Variants in MAP3K3 observed in about 807,000 individuals in gnomAD.
MAP3K3 encodes the protein MAP/ERK kinase kinase 3.
In MAP3K3, 12 loss-of-function variants were observed where a neutral mutation model predicts 80.9. That is an observed-to-expected ratio of 0.15 (90% CI 0.10 to 0.24). MAP3K3 has a LOEUF of 0.24. MAP3K3 is among the 10% of genes least tolerant of loss of function. MAP3K3 has a pLI of 1.00. For missense variants in MAP3K3, 596 were observed against 834.7 expected, an observed-to-expected ratio of 0.71 and a Z score of 3.52; for synonymous variants, 272 against 307.1, an observed-to-expected ratio of 0.89 and a Z score of 1.19.
intron 4 of MAP3K3, among the ~76,000 whole-genome samples, chr17:63,656,112 C>A (rs1448289429): frequency 6.6e-6 from 1 of 151,810 alleles, no homozygotes; most frequent in East Asian, 1.9e-4. Context: ...TGCCTGTAAT[C>A]CCAGCTACTT....
rs1005993446 is a variant in MAP3K3 at position 63,689,867 on chromosome 17, T to G, written c.1063+132T>G. 1 of 809,344 alleles carries G rather than the reference T, an allele frequency of 1.2e-6. No individual in the cohort carries two copies. Among genetic ancestry groups the G allele is most frequent in the Non-Finnish European group, 1.9e-6 (1 of 519,458 alleles). 50.1% of individuals were successfully genotyped at this position (809,344 alleles called of 1,614,324 possible). A position where few individuals can be genotyped will look rare whatever the true frequency, so the allele number is the denominator to read the frequency against. Reference sequence around the variant, plus strand: ...TTTGGCCCAAATGCACCACATGGGATAAGCCTTGGAGTGTCTGAAGCCTGG... The same window carrying G: ...TTTGGCCCAAATGCACCACATGGGAGAAGCCTTGGAGTGTCTGAAGCCTGG... On this transcript the variant is annotated intron_variant, in intron 11 of 15. Coordinates refer to ENST00000361733, the MANE Select transcript of MAP3K3 (RefSeq NM_002401.5). This position sits in a 1 kb window ranked among gnomAD's most constrained non-coding sequence, Gnocchi z 4.3.
Position 63,657,819 on chromosome 17 carries a change from A to G in MAP3K3, c.293A>G (p.Asp98Gly). ...NELSILLKNQDDLDKAIDILD... is the reference protein window; with the variant it reads ...NELSILLKNQGDLDKAIDILD... Reference sequence around the variant, plus strand: ...CTCTCCATCCTGCTGAAAAACCAAGATGATCTTGATAAAGCAATTGACATT... The same window carrying G: ...CTCTCCATCCTGCTGAAAAACCAAGGTGATCTTGATAAAGCAATTGACATT... The change falls in exon 5 of 16, where the codon GAT becomes GGT. Residue 98 changes from aspartate (D) to glycine (G), a missense_variant. By Grantham distance (94) the Asp-to-Gly change is moderately conservative. Transcript: ENST00000361733. 1.2e-6 allele frequency: 2 copies of G among 1,600,634 alleles called. No individual in the cohort carries two copies. Among genetic ancestry groups the G allele is most frequent in the Non-Finnish European group, 1.7e-6 (2 of 1,170,622 alleles).
At chr17:63,623,059 G>A (rs997569829) in intron 1 of MAP3K3, among the ~76,000 whole-genome samples, 1 of 151,638 alleles carries the variant, frequency 6.6e-6, no homozygotes, top group Non-Finnish European at 1.5e-5. Context: ...CGTGCTCCGC[G>A]GGGCAGCCTG....
At chr17:63,631,412 G>A (rs1216261294) in intron 1 of MAP3K3, among the ~76,000 whole-genome samples, 1 of 152,186 alleles carries the variant, frequency 6.6e-6, no homozygotes, top group Non-Finnish European at 1.5e-5. Context: ...CAGTGATAAA[G>A]GGTAGAAGAT....
intron 2 of MAP3K3, among the ~76,000 whole-genome samples, chr17:63,633,551 T>C (rs565985126): frequency 6.6e-6 from 1 of 152,372 alleles, no homozygotes; most frequent in East Asian, 1.9e-4. Context: ...TATTACTGTT[T>C]ACAGTTATTT....
intron 12 of MAP3K3, 104 bp from the exon 13 acceptor site, chr17:63,690,998 A>T: frequency 7.1e-7 from 1 of 1,415,766 alleles, no homozygotes; most frequent in Non-Finnish European, 9.8e-7. Flanking sequence ...TGCAGTTCCC[A>T]AGGCAGATCC....
chr17:63,668,444 G>A (rs908458929), intron 6 of MAP3K3: 2 of 152,218 alleles, frequency 1.3e-5, no homozygotes, highest in African/African-American at 4.8e-5. Flanking sequence ...GGAGAGCCTA[G>A]CCACAGCGTC....
In MAP3K3 at chr17:63,691,029, G is replaced by C. The variant is rs777871160; in HGVS notation, c.1213-73G>C. On this transcript the variant is annotated intron_variant, in intron 12 of 15. Coordinates refer to ENST00000361733, the MANE Select transcript of MAP3K3 (RefSeq NM_002401.5). The surrounding 1 kb of genome is among the most constrained non-coding windows in gnomAD (Gnocchi z 4.8). ...GATCCCTGTGAGGCCACTAACTAGG[G>C]CAAGCTGAGCTGAACCCAGGCGGGC... The C allele has an allele frequency of 1.3e-6, 2 of 1,591,350 alleles. No homozygotes were observed. Among genetic ancestry groups the C allele is most frequent in the African/African-American group, 2.7e-5 (2 of 74,518 alleles).
intron 1 of MAP3K3, among the ~76,000 whole-genome samples, chr17:63,628,954 T>G (rs1194706904): frequency 6.6e-6 from 1 of 152,178 alleles, no homozygotes; most frequent in Non-Finnish European, 1.5e-5. Flanking sequence ...GTAGGTTTTC[T>G]GTTGCTTTTA....
At chr17:63,688,389 G>C (rs2035505253) in intron 8 of MAP3K3, 138 bp from the exon 9 acceptor site, 2 of 700,044 alleles carry the variant, frequency 2.9e-6, no homozygotes, top group Non-Finnish European at 5.2e-6. Context: ...GCTGGGCTCA[G>C]AAAAGGGCTA....
chr17:63,689,158 C>T lies in MAP3K3; in HGVS notation c.871+277C>T, dbSNP rs910462639. The T allele has an allele frequency of 1.8e-6, 1 of 564,644 alleles. No individual in the cohort carries two copies. Among genetic ancestry groups the T allele is most frequent in the Non-Finnish European group, 3.2e-6 (1 of 317,306 alleles). The allele number at this position is 564,644 out of a possible 1,614,324, so 35.0% of individuals were successfully genotyped here. Reference sequence around the variant, plus strand: ...TCCCATGTCCTCTTCTGCCCCACAGCAGCAGGTGGCCTGGGCCCTGTAGAG... The same window carrying T: ...TCCCATGTCCTCTTCTGCCCCACAGTAGCAGGTGGCCTGGGCCCTGTAGAG... On this transcript the variant is annotated intron_variant, in intron 10 of 15. Transcript: ENST00000361733. This position sits in a 1 kb window ranked among gnomAD's most constrained non-coding sequence, Gnocchi z 4.3.
chr17:63,685,414 G>A (rs918864860), intron 7 of MAP3K3, 103 bp from the exon 8 acceptor site: 32 of 864,206 alleles, frequency 3.7e-5, no homozygotes, highest in Non-Finnish European at 6.0e-5. Context: ...ACACTTTCAT[G>A]TTTTGACAAA....
chr17:63,636,826 G>T lies in MAP3K3; in HGVS notation c.126+4024G>T, dbSNP rs116843397. ...GCTGAGGTGGTATGTGGAGAAGAAG[G>T]CCAAGAAGACTGCGTTGGTGGTCAA... On this transcript the variant is annotated intron_variant, in intron 2 of 15. Transcript: ENST00000361733. 1.2e-5 allele frequency: 4 copies of T among 346,850 alleles called. No homozygotes were observed. The Admixed American group carries it at 1.2e-4, about 10-fold the overall frequency. The allele number at this position is 346,850 out of a possible 1,614,324, so 21.5% of individuals were successfully genotyped here. A position where few individuals can be genotyped will look rare whatever the true frequency, so the allele number is the denominator to read the frequency against.
At chr17:63,654,712 TA>T (rs2034728719) in intron 4 of MAP3K3, among the ~76,000 whole-genome samples, 1 of 152,178 alleles carries the variant, frequency 6.6e-6, no homozygotes, top group Non-Finnish European at 1.5e-5. Flanking sequence ...CACTCTGCTG[TA>T]AAAAACTGCC....
rs1175191862 is a variant in MAP3K3 at position 63,696,107 on chromosome 17, T to G, written c.*2330T>G. On this transcript the variant is annotated 3_prime_UTR_variant, in exon 16 of 16. Coordinates refer to ENST00000361733, the MANE Select transcript of MAP3K3 (RefSeq NM_002401.5). ...ATGGAGAGGCCAGGGCTGGGGACAG[T>G]CCGCACTCTGCCACCCTCCTGCCCC... The G allele has an allele frequency of 6.6e-6, 1 of 152,316 alleles. No individual in the cohort carries two copies. Among genetic ancestry groups the G allele is most frequent in the Non-Finnish European group, 1.5e-5 (1 of 68,060 alleles). 9.4% of individuals were successfully genotyped at this position (152,316 alleles called of 1,614,324 possible).
rs990838233 is a variant in MAP3K3, at chr17:63,693,469, C to T, written c.1653-80C>T. 20 of 1,264,512 alleles carry T rather than the reference C, an allele frequency of 1.6e-5. No individual in the cohort carries two copies. Among genetic ancestry groups the T allele is most frequent in the African/African-American group, 3.1e-5 (2 of 65,282 alleles). 78.3% of individuals were successfully genotyped at this position (1,264,512 alleles called of 1,614,324 possible). The stretch of plus-strand genomic sequence containing the variant: ...GCACCTCAGCTTGCTGTGAGAAAGG[C>T]GCCTCTTTCTGCAGTGGTGGGCAGG... On this transcript the variant is annotated intron_variant, in intron 15 of 15. Transcript: ENST00000361733. The surrounding 1 kb of genome is among the most constrained non-coding windows in gnomAD (Gnocchi z 4.2).
chr17:63,643,460 G>A (rs1383646830), intron 2 of MAP3K3, among the ~76,000 whole-genome samples: 2 of 152,154 alleles, frequency 1.3e-5, no homozygotes, highest in South Asian at 2.1e-4. Context: ...GCAGTGAGCC[G>A]TGATCGTACC....
intron 1 of MAP3K3, among the ~76,000 whole-genome samples, chr17:63,630,739 T>C (rs1203638138): frequency 6.6e-6 from 1 of 152,242 alleles, no homozygotes; most frequent in Admixed American, 6.5e-5. Flanking sequence ...CACTTTCTCC[T>C]CATTCATTAT....
At chr17:63,679,911 A>G (rs891520803) in intron 6 of MAP3K3, among the ~76,000 whole-genome samples, 3 of 152,182 alleles carry the variant, frequency 2.0e-5, no homozygotes, top group African/African-American at 7.2e-5. Context: ...TATCATCAAG[A>G]AAGGAGAGAA....
Sources: allele counts gnomAD v4.1 joint callset (sites outside exome capture counted in the v4.1 genomes callset), GRCh38; gene constraint gnomAD v4.1.1; non-coding constraint Gnocchi (gnomAD v3.1); transcripts MANE v1.5; gene names NCBI Gene and HGNC (gene_info 2026-07-23, HGNC 2026-07-21).